FUS: variants seen among roughly 807,000 people sequenced by gnomAD.
The protein encoded by FUS is FUS RNA binding protein.
FUS carries 5 observed loss-of-function variants against 82.7 expected under a neutral mutation model. The ratio of observed to expected loss-of-function variants is 0.06; its 90% CI spans 0.03 to 0.13. FUS has a LOEUF of 0.13. FUS is among the 10% of genes least tolerant of loss of function. The pLI is 1.00. For synonymous variants in FUS, 281 were observed against 247.4 expected, an observed-to-expected ratio of 1.14 and a Z score of -1.27; for missense variants, 512 against 707.8, an observed-to-expected ratio of 0.72 and a Z score of 3.14.
intron 14 of FUS, 92 bp from the exon 15 acceptor site, chr16:31,191,307 G>A (rs1193963789): frequency 5.8e-6 from 9 of 1,546,588 alleles, no homozygotes; most frequent in South Asian, 1.1e-5. Flanking sequence ...TACTCGCTGG[G>A]TTAGGTAGGA....
At chr16:31,189,599 GGAA>G in intron 9 of FUS, 63 bp from the exon 10 acceptor site, 2 of 1,607,340 alleles carry the variant, frequency 1.2e-6, no homozygotes, top group Non-Finnish European at 8.5e-7. Flanking sequence ...ATGTTCTAGA[GGAA>G]GAAGATGGAA....
At position 31,185,118 on chromosome 16, in the gene FUS, A is replaced by G; in HGVS notation, c.703A>G (p.Ser235Gly). Reference sequence around the variant, plus strand: ...CGGCGGCGGTGGTGGTTACAACCGCAGCAGTGGTGGCTATGAACCCAGAGG... The same window carrying G: ...CGGCGGCGGTGGTGGTTACAACCGCGGCAGTGGTGGCTATGAACCCAGAGG... The part of the protein sequence containing the change: ...GGGGGGGYNR[S>G]SGGYEPRGRG... Residue 235 changes from serine (S) to glycine (G), a missense_variant, in exon 6 of 15, where the codon AGC becomes GGC. By Grantham distance (56) the Ser-to-Gly change is moderately conservative (BLOSUM62 0). Around this residue, in one of 6 missense-constraint regions of FUS, gnomAD observed 276 missense variants for 303.3 expected, o/e 0.91. Coordinates refer to ENST00000254108, the MANE Select transcript of FUS (RefSeq NM_004960.4). 2 of 1,609,926 alleles carry G rather than the reference A, an allele frequency of 1.2e-6. No homozygotes were observed. The highest frequency in any genetic ancestry group is 1.7e-6 in the Non-Finnish European group (2 of 1,178,320).
chr16:31,182,278 A>G (rs1033377980), intron 1 of FUS, 120 bp from the exon 2 acceptor site: 97 of 1,203,406 alleles, frequency 8.1e-5, no homozygotes, highest in Non-Finnish European at 1.2e-4. Flanking sequence ...GGCATGATCC[A>G]CCGTGCCTGG....
At position 31,183,918 on chromosome 16, in the gene FUS, G is replaced by A; in HGVS notation, c.251G>A (p.Ser84Asn). The A allele has an allele frequency of 1.2e-6, 2 of 1,614,172 alleles. No individual in the cohort carries two copies. Among genetic ancestry groups the A allele is most frequent in the Non-Finnish European group, 1.7e-6 (2 of 1,180,028 alleles). Reference sequence around the variant, plus strand: ...GGCTCGACTGGCGGCTATGGCAGTAGCCAGAGCTCCCAATCGTCTTACGGG... The same window carrying A: ...GGCTCGACTGGCGGCTATGGCAGTAACCAGAGCTCCCAATCGTCTTACGGG... Reference protein sequence around the residue: ...GYGSTGGYGSSQSSQSSYGQQ... With the variant: ...GYGSTGGYGSNQSSQSSYGQQ... The change falls in exon 4 of 15, where the codon AGC becomes AAC. Residue 84 changes from serine (S) to asparagine (N), a missense_variant. Ser to Asn is a conservative substitution (Grantham distance 46, BLOSUM62 1). Coordinates refer to ENST00000254108, the MANE Select transcript of FUS (RefSeq NM_004960.4).
At chr16:31,187,129 T>C (rs1367100955) in intron 7 of FUS, 2 of 514,252 alleles carry the variant, frequency 3.9e-6, no homozygotes, top group Non-Finnish European at 7.1e-6. Flanking sequence ...TTAGTGACCA[T>C]CATCATGAGA....
chr16:31,188,145 C>G, intron 7 of FUS, 180 bp from the exon 8 acceptor site: 2 of 640,358 alleles, frequency 3.1e-6, no homozygotes, highest in South Asian at 2.0e-5. Flanking sequence ...CTAGAATTTT[C>G]TCCTCTGGGC....
At chr16:31,192,839 T>G, downstream of FUS, 1 of 483,322 alleles carries the variant, frequency 2.1e-6, no homozygotes, top group Non-Finnish European at 4.1e-6. Context: ...CCCAAAGTGC[T>G]GGAATTACAG....
rs772324083 is a variant in FUS at position 31,180,194 on chromosome 16, C to T, written c.-21C>T. On this transcript the variant is annotated 5_prime_UTR_variant, in exon 1 of 15. Transcript: ENST00000254108. ...GTGTTGGAACTTCGTTGCTTGCTTG[C>T]CTGTGCGCGCGTGCGCGGACATGGC... 9.9e-6 allele frequency: 16 copies of T among 1,610,474 alleles called. No individual in the cohort carries two copies. The highest frequency in any genetic ancestry group is 1.3e-5 in the African/African-American group (1 of 74,912).
chr16:31,186,550 T>G (rs2079272941), intron 6 of FUS: 1 of 562,056 alleles, frequency 1.8e-6, no homozygotes, highest in African/African-American at 1.9e-5. Context: ...TTATTTTTTT[T>G]CCAGAGGAAA....
intron 1 of FUS, among the ~76,000 whole-genome samples, chr16:31,180,829 C>T (rs1006655682): frequency 6.6e-6 from 1 of 152,202 alleles, no homozygotes; most frequent in Non-Finnish European, 1.5e-5. Context: ...TCGGGGCCGC[C>T]CTCTAGCTTA....
chr16:31,192,516 A>G (rs1460446532), downstream of FUS: 2 of 514,478 alleles, frequency 3.9e-6, no homozygotes, highest in Admixed American at 2.3e-5. Flanking sequence ...CATAGCTTAC[A>G]AATGTGCTGG....
intron 11 of FUS, 32 bp downstream of exon 11, chr16:31,190,173 G>T (rs1288255948): frequency 6.2e-7 from 1 of 1,613,938 alleles, no homozygotes; most frequent in Admixed American, 1.7e-5. Context: ...GTGCAGAGGG[G>T]TAATGGGGAG....
chr16:31,186,967 G>GGT (rs1343129905), intron 7 of FUS, 131 bp downstream of exon 7: 2 of 887,880 alleles, frequency 2.3e-6, no homozygotes, highest in Non-Finnish European at 3.8e-6. Context: ...TCCAGAAAGG[G>GGT]GTAGGGTAGA....
chr16:31,185,588 T>G, intron 6 of FUS: 1 of 524,106 alleles, frequency 1.9e-6, no homozygotes, highest in Non-Finnish European at 3.7e-6. Flanking sequence ...CTCTAGGGAG[T>G]TGGTAATGGT....
chr16:31,193,093 C>G (rs761905338), downstream of FUS: 1 of 484,118 alleles, frequency 2.1e-6, no homozygotes, highest in South Asian at 1.5e-5. Flanking sequence ...GCATGCGCCA[C>G]CATGCCCAGC....
At chr16:31,184,805 T>C (rs2079238059) in intron 5 of FUS, 134 bp from the exon 6 acceptor site, 1 of 928,008 alleles carries the variant, frequency 1.1e-6, no homozygotes, top group Non-Finnish European at 1.7e-6. Context: ...AGGGTTCCTG[T>C]CTTGTTTCCT....
downstream of FUS, chr16:31,191,868 C>T: frequency 1.8e-6 from 1 of 544,500 alleles, no homozygotes; most frequent in Non-Finnish European, 3.5e-6. Context: ...TCCTTTACCA[C>T]ATTTATTTGC....
chr16:31,190,726 C>A lies in FUS; in HGVS notation c.1293-16C>A. On this transcript the variant is annotated splice_polypyrimidine_tract_variant and intron_variant, in intron 12 of 14. Coordinates refer to ENST00000254108, the MANE Select transcript of FUS (RefSeq NM_004960.4). ...TTCCCCATCGCTCCAGACTGATTGT[C>A]TTCCTTTCTCCTTAGCACCTGTGAG... 1.9e-6 allele frequency: 3 copies of A among 1,609,774 alleles called. No individual in the cohort carries two copies. Among genetic ancestry groups the A allele is most frequent in the East Asian group, 2.2e-5 (1 of 44,864 alleles).
intron 12 of FUS, 32 bp downstream of exon 12, chr16:31,190,430 C>T (rs757360223): frequency 3.1e-6 from 5 of 1,613,808 alleles, no homozygotes; most frequent in South Asian, 1.1e-5. Context: ...TCTTAGTTCT[C>T]TTGCATGCGT....
Sources: allele counts gnomAD v4.1 joint callset (sites outside exome capture counted in the v4.1 genomes callset), GRCh38; gene constraint gnomAD v4.1.1; regional missense constraint gnomAD v4.1.1; transcripts MANE v1.5; gene names NCBI Gene and HGNC (gene_info 2026-07-23, HGNC 2026-07-21).